MUC17: variants seen among roughly 807,000 people sequenced by gnomAD.
MUC17 encodes mucin 17, cell surface associated.
Under a neutral mutation model 170.3 loss-of-function variants are expected in MUC17, and 190 were observed. The ratio of observed to expected loss-of-function variants is 1.12; its 90% CI spans 0.99 to 1.26. The LOEUF (loss-of-function observed/expected upper bound fraction) is 1.26, where lower values mean the gene tolerates loss of function less well. MUC17 is among the 50% of genes most tolerant of loss of function. The pLI is 0.00. For missense variants in MUC17, 6,415 were observed against 5,530.0 expected (o/e 1.16, Z -5.08); for synonymous variants, 2,325 against 2,002.5 (o/e 1.16, Z -4.30).
chr7:101,021,963 G>A (rs1286301234), intron 1 of MUC17, among the ~76,000 whole-genome samples: 2 of 152,076 alleles, frequency 1.3e-5, no homozygotes, highest in Non-Finnish European at 2.9e-5. Flanking sequence ...AAAACACAAT[G>A]TCCTGTCTGT....
Position 101,039,145 on chromosome 7 carries a change from A to T in MUC17, c.7729A>T (p.Arg2577Ter). 6.2e-7 allele frequency: 1 copy of T among 1,611,316 alleles called. No individual in the cohort carries two copies. The highest frequency in any genetic ancestry group is 8.5e-7 in the Non-Finnish European group (1 of 1,179,284). ...TTATAGTGAAGGAAGCACTCCATTA[A>T]GAAGTATGCCTGTCAGCACCAAGCC... is the stretch of plus-strand genomic sequence containing the variant. ...STYSEGSTPL[R>*]SMPVSTKPLA... The change falls in exon 3 of 13, where the codon AGA becomes TGA. Residue 2577 changes from arginine to a stop codon, truncating the protein, a stop_gained. Coordinates refer to ENST00000306151, the MANE Select transcript of MUC17 (RefSeq NM_001040105.2). LOFTEE classifies it high-confidence loss of function.
chr7:101,038,475 T>C lies in MUC17; in HGVS notation c.7059T>C (p.Phe2353=), dbSNP rs1562813064. 1 of 1,604,184 alleles carries C rather than the reference T, an allele frequency of 6.2e-7. No individual in the cohort carries two copies. Among genetic ancestry groups the C allele is most frequent in the Non-Finnish European group, 8.5e-7 (1 of 1,174,276 alleles). Residue 2353 remains phenylalanine (F), a synonymous_variant, in exon 3 of 13, where the codon TTT becomes TTC. Transcript: ENST00000306151. ...TCAGCACCACAATGGTGGCCAGTTT[T>C]GAAACAAGCACACTTTCTACAACTC... ...MPVSTTMVAS[F]ETSTLSTTPA...
chr7:101,031,180 T>A lies in MUC17; in HGVS notation c.143T>A (p.Leu48Ter). 6.2e-7 allele frequency: 1 copy of A among 1,613,856 alleles called. No individual in the cohort carries two copies. Among genetic ancestry groups the A allele is most frequent in the Non-Finnish European group, 8.5e-7 (1 of 1,179,890 alleles). ...GGGTGCATCTCCCAAGGGGACGTCT[T>A]GAACCGTCAGTGCCAGCAGCTGTCT... ...GGGCISQGDV[L>*]NRQCQQLSQH... Residue 48 changes from leucine (L) to a stop codon, truncating the protein, a stop_gained, in exon 2 of 13, where the codon TTG becomes TAG. Transcript: ENST00000306151. LOFTEE classifies it high-confidence loss of function.
rs150492905 is a variant in MUC17, at chr7:101,041,450, T to C, written c.10034T>C (p.Met3345Thr). 1.2e-6 allele frequency: 2 copies of C among 1,613,998 alleles called. No homozygotes were observed. Among genetic ancestry groups the C allele is most frequent in the Non-Finnish European group, 1.7e-6 (2 of 1,179,998 alleles). ...YSEGSTPLTN[M>T]SFSTTPVVSS... is the part of the protein sequence containing the mutation. ...GAAGGAAGCACTCCACTAACAAATATGTCTTTCAGCACCACGCCAGTGGTC... is the reference window on the plus strand; with the variant it reads ...GAAGGAAGCACTCCACTAACAAATACGTCTTTCAGCACCACGCCAGTGGTC... The change falls in exon 3 of 13, where the codon ATG becomes ACG. Residue 3345 changes from methionine (M) to threonine (T), a missense_variant. Physicochemically the swap from Met to Thr is moderately conservative, Grantham distance 81 (BLOSUM62 -1). Transcript: ENST00000306151.
In MUC17 at chr7:101,032,257, C is replaced by T. The variant is rs150719489; in HGVS notation, c.841C>T (p.Pro281Ser). ...SGGSTPLTRM[P>S]LSVMLVVSSE... ...AGGAAGCACTCCATTAACAAGAATG[C>T]CTCTCAGCGTGATGCTGGTGGTCAG... The change falls in exon 3 of 13, where the codon CCT (proline) becomes TCT (serine). Residue 281 changes from proline (P) to serine (S), a missense_variant. Transcript: ENST00000306151. 9.9e-6 allele frequency: 16 copies of T among 1,613,784 alleles called. No individual in the cohort carries two copies. The East Asian group carries it at 3.6e-4, about 36-fold the overall frequency.
At chr7:101,020,495 A>G (rs1794053318) in intron 1 of MUC17, among the ~76,000 whole-genome samples, 1 of 151,800 alleles carries the variant, frequency 6.6e-6, no homozygotes, top group Non-Finnish European at 1.5e-5. Flanking sequence ...AAGAATAATA[A>G]CACCTGCTTT....
chr7:101,040,208 C>T lies in MUC17; in HGVS notation c.8792C>T (p.Thr2931Ile). ...STPSEVSTPL[T>I]SILVSTVPVA... ...CCTAGTGAAGTAAGTACTCCATTAA[C>T]AAGTATACTTGTCAGCACCGTGCCA... The change falls in exon 3 of 13, where the codon ACA (threonine) becomes ATA (isoleucine). Residue 2931 changes from threonine (T) to isoleucine (I), a missense_variant. Coordinates refer to ENST00000306151, the MANE Select transcript of MUC17 (RefSeq NM_001040105.2). 1 of 1,612,714 alleles carries T rather than the reference C, an allele frequency of 6.2e-7. No individual in the cohort carries two copies. Among genetic ancestry groups the T allele is most frequent in the Non-Finnish European group, 8.5e-7 (1 of 1,179,504 alleles).
In MUC17 at chr7:101,033,050, C is replaced by A. The variant is rs1794342824; in HGVS notation, c.1634C>A (p.Ser545Tyr). 2 of 1,613,730 alleles carry A rather than the reference C, an allele frequency of 1.2e-6. No homozygotes were observed. The highest frequency in any genetic ancestry group is 8.5e-7 in the Non-Finnish European group (1 of 1,179,974). The change falls in exon 3 of 13, where the codon TCT becomes TAT. Residue 545 changes from serine to tyrosine, a missense_variant. Ser to Tyr is a moderately radical substitution (Grantham distance 144). Transcript: ENST00000306151. ...PVDTSTPVTT[S>Y]SEASSSSTTP... ...GACACCAGCACACCTGTGACCACTT[C>A]TAGTGAAGCCAGTTCATCTTCTACA...
At chr7:101,021,229 A>C (rs1278849562) in intron 1 of MUC17, among the ~76,000 whole-genome samples, 37 of 119,354 alleles carry the variant, frequency 3.1e-4, no homozygotes, top group Admixed American at 1.0e-3. Flanking sequence ...TCTGTCACCC[A>C]GGCTGGAGTT....
Position 101,056,260 on chromosome 7 carries a change from C to A in MUC17, c.13430C>A (p.Pro4477His). ...NFQPSLRHID[P>H]ETKIRIQRPQ... ...CAGCCCTCCTTGAGACACATAGACC[C>A]TGAAACAAAGGTAAGAAGGGCCTGG... The change falls in exon 12 of 13, where the codon CCT (proline) becomes CAT (histidine). Residue 4477 changes from proline to histidine, a missense_variant. Transcript: ENST00000306151. The A allele has an allele frequency of 6.2e-7, 1 of 1,613,842 alleles. No homozygotes were observed. The highest frequency in any genetic ancestry group is 8.5e-7 in the Non-Finnish European group (1 of 1,179,844).
At position 101,032,436 on chromosome 7, in the gene MUC17, T is replaced by C; in HGVS notation, c.1020T>C (p.Pro340=). 3 of 1,613,874 alleles carry C rather than the reference T, an allele frequency of 1.9e-6. No homozygotes were observed. The highest frequency in any genetic ancestry group is 2.5e-6 in the Non-Finnish European group (3 of 1,179,854). Residue 340 remains proline, a synonymous_variant, in exon 3 of 13, where the codon CCT becomes CCC. Transcript: ENST00000306151. The part of the protein sequence containing the change: ...TEGSTPLTST[P]ASTMPVATSE... ...GAAGCACTCCATTAACAAGTACGCC[T>C]GCCAGCACCATGCCGGTTGCCACTT...
At position 101,042,722 on chromosome 7, in the gene MUC17, C is replaced by CGG; in HGVS notation, c.11306_11307insGG (p.Glu3770ValfsTer17). The CGG allele has an allele frequency of 6.2e-7, 1 of 1,613,818 alleles. No individual in the cohort carries two copies. Among genetic ancestry groups the CGG allele is most frequent in the Non-Finnish European group, 8.5e-7 (1 of 1,180,012 alleles). Reference sequence around the variant, plus strand: ...AGTACCACACCTGTTACGAGGTTTCCTGAGAGTAGCACCCCTTCCATACCA... The same window carrying CGG: ...AGTACCACACCTGTTACGAGGTTTCCGGTGAGAGTAGCACCCCTTCCATACCA... On this transcript the variant is annotated frameshift_variant, in exon 3 of 13. Transcript: ENST00000306151. LOFTEE classifies it high-confidence loss of function.
In MUC17 at chr7:101,041,763, A is replaced by T. The variant is rs1794712337; in HGVS notation, c.10347A>T (p.Pro3449=). ...SPTIAEGTSL[P]TSTTSEGSTP... ...CAATCGCTGAAGGTACCAGCTTGCC[A>T]ACCTCAACTACTAGTGAAGGAAGCA... is the stretch of plus-strand genomic sequence containing the variant. The change falls in exon 3 of 13, where the codon CCA becomes CCT. Residue 3449 remains proline, a synonymous_variant. Transcript: ENST00000306151. 6.2e-7 allele frequency: 1 copy of T among 1,613,674 alleles called. No homozygotes were observed. The highest frequency in any genetic ancestry group is 2.2e-5 in the East Asian group (1 of 44,806).
Position 101,053,107 on chromosome 7 carries a change from C to G in MUC17, c.13225C>G (p.Leu4409Val), listed in dbSNP as rs1457383906. 6 of 1,613,994 alleles carry G rather than the reference C, an allele frequency of 3.7e-6. No individual in the cohort carries two copies. The African/African-American group carries it at 8.0e-5, about 22-fold the overall frequency. Residue 4409 changes from leucine (L) to valine (V), a missense_variant, in exon 10 of 13, where the codon CTC becomes GTC. Coordinates refer to ENST00000306151, the MANE Select transcript of MUC17 (RefSeq NM_001040105.2). ...VVLMLIILVALLMLVFRSKRE... is the reference protein window; with the variant it reads ...VVLMLIILVAVLMLVFRSKRE... ...GCTGATGCTGATCATCCTGGTAGCT[C>G]TCCTGATGCTCGTTTTCCGCTCCAA...
chr7:101,039,762 C>T lies in MUC17; in HGVS notation c.8346C>T (p.Val2782=), dbSNP rs371681290. The T allele has an allele frequency of 1.5e-5, 24 of 1,608,634 alleles. 1 individual carries two copies. Among genetic ancestry groups the T allele is most frequent in the Non-Finnish European group, 2.0e-5 (23 of 1,177,270 alleles). ...STTAVDTSIP[V]TTSTEASSSP... is the part of the protein sequence containing the mutation. ...CTGCTGTTGACACCAGCATACCTGT[C>T]ACCACTTCTACTGAAGCCAGTTCCT... The change falls in exon 3 of 13, where the codon GTC becomes GTT. Residue 2782 remains valine, a synonymous_variant. Transcript: ENST00000306151.
Position 101,032,588 on chromosome 7 carries a change from G to A in MUC17, c.1172G>A (p.Gly391Glu), listed in dbSNP as rs769590935. 2 of 1,613,982 alleles carry A rather than the reference G, an allele frequency of 1.2e-6. No homozygotes were observed. Among genetic ancestry groups the A allele is most frequent in the East Asian group, 4.5e-5 (2 of 44,864 alleles). Reference sequence around the variant, plus strand: ...ATGCTAACCTCAACTCTTAGTGAAGGAAGCACTCCATTAACAAATATGCCT... The same window carrying A: ...ATGCTAACCTCAACTCTTAGTGAAGAAAGCACTCCATTAACAAATATGCCT... ...TSMLTSTLSEGSTPLTNMPVS... is the reference protein window; with the variant it reads ...TSMLTSTLSEESTPLTNMPVS... Residue 391 changes from glycine (G) to glutamate (E), a missense_variant, in exon 3 of 13, where the codon GGA (glycine) becomes GAA (glutamate). Transcript: ENST00000306151.
rs112915496 is a variant in MUC17, at chr7:101,042,713, C to T, written c.11297C>T (p.Thr3766Met). The T allele has an allele frequency of 1.2e-4, 193 of 1,613,814 alleles. No individual in the cohort carries two copies. The highest frequency in any genetic ancestry group is 5.1e-4 in the African/African-American group (38 of 75,036). Residue 3766 changes from threonine to methionine, a missense_variant, in exon 3 of 13, where the codon ACG (threonine) becomes ATG (methionine). By Grantham distance (81) the Thr-to-Met change is moderately conservative. Transcript: ENST00000306151. ...ATTCTTGTCAGTACCACACCTGTTACGAGGTTTCCTGAGAGTAGCACCCCT... is the reference window on the plus strand; with the variant it reads ...ATTCTTGTCAGTACCACACCTGTTATGAGGTTTCCTGAGAGTAGCACCCCT... ...TTILVSTTPV[T>M]RFPESSTPSI...
chr7:101,041,405 T>C lies in MUC17; in HGVS notation c.9989T>C (p.Met3330Thr), dbSNP rs112844551. ...SSPPIADGTS[M>T]PTSTYSEGST... is the part of the protein sequence containing the mutation. ...CCTCCAATTGCTGACGGTACTAGCATGCCAACCTCAACTTATAGTGAAGGA... is the reference window on the plus strand; with the variant it reads ...CCTCCAATTGCTGACGGTACTAGCACGCCAACCTCAACTTATAGTGAAGGA... Residue 3330 changes from methionine to threonine, a missense_variant, in exon 3 of 13, where the codon ATG (methionine) becomes ACG (threonine). Coordinates refer to ENST00000306151, the MANE Select transcript of MUC17 (RefSeq NM_001040105.2). The C allele has an allele frequency of 1.3e-3, 2,116 of 1,613,764 alleles. 30 individuals carry two copies. The African/African-American group carries it at 0.025, about 19-fold the overall frequency.
In MUC17 at chr7:101,043,577, C is replaced by T. The variant is rs200510400; in HGVS notation, c.12161C>T (p.Pro4054Leu). ...PVTPSSESSRPSTITSHTIPP... is the reference protein window; with the variant it reads ...PVTPSSESSRLSTITSHTIPP... ...ACCCCTTCATCAGAATCCAGCAGGCCGTCAACAATTACTTCTCACACCATC... is the reference window on the plus strand; with the variant it reads ...ACCCCTTCATCAGAATCCAGCAGGCTGTCAACAATTACTTCTCACACCATC... The change falls in exon 3 of 13, where the codon CCG becomes CTG. Residue 4054 changes from proline to leucine, a missense_variant. Coordinates refer to ENST00000306151, the MANE Select transcript of MUC17 (RefSeq NM_001040105.2). The T allele has an allele frequency of 2.9e-5, 47 of 1,614,182 alleles. No homozygotes were observed. Among genetic ancestry groups the T allele is most frequent in the African/African-American group, 1.6e-4 (12 of 75,028 alleles).
Sources: allele counts gnomAD v4.1 joint callset (sites outside exome capture counted in the v4.1 genomes callset), GRCh38; gene constraint gnomAD v4.1.1; transcripts MANE v1.5; gene names NCBI Gene and HGNC (gene_info 2026-07-23, HGNC 2026-07-21).